Variants in FAM20C observed in about 807,000 individuals in gnomAD.
FAM20C encodes the protein FAM20C golgi associated secretory pathway kinase.
Under a neutral mutation model 51.5 loss-of-function variants are expected in FAM20C, and 40 were observed. The ratio of observed to expected loss-of-function variants is 0.78; its 90% CI spans 0.60 to 1.01. The LOEUF (loss-of-function observed/expected upper bound fraction) is 1.01. Ranked by LOEUF, FAM20C falls within the 50% of genes least tolerant of loss-of-function variation. The pLI, the probability that FAM20C is intolerant of heterozygous loss-of-function variation, is 0.00. For synonymous variants in FAM20C, 406 were observed against 380.6 expected (o/e 1.07, Z -0.78); for missense variants, 861 against 844.7 (o/e 1.02, Z -0.24).
At chr7:258,145 G>A (rs1433715702) in intron 8 of FAM20C, among the ~76,000 whole-genome samples, 60 of 119,942 alleles carry the variant, frequency 5.0e-4, no homozygotes, top group African/African-American at 1.5e-3. Context: ...CCACTGACTG[G>A]GGTGCTGGAG....
In FAM20C at chr7:192,813, C is replaced by T. The variant is rs1312543837; in HGVS notation, c.-387C>T. Among the ~76,000 whole-genome samples the T allele has an allele frequency of 6.8e-6, 1 of 148,078 alleles. No individual in the cohort carries two copies. The highest frequency in any genetic ancestry group is 1.5e-5 in the Non-Finnish European group (1 of 66,382). ...GGGACGCCTGCGGCCGCCGCCACCG[C>T]CCAGGCCCGTCGCGCCCCGGCCGGG... is the stretch of plus-strand genomic sequence containing the variant. On this transcript the variant is annotated 5_prime_UTR_variant, in exon 1 of 10. Transcript: ENST00000313766.
At position 258,616 on chromosome 7, in the gene FAM20C, C is replaced by T. The variant is rs768250558; in HGVS notation, c.1446-30C>T. On this transcript the variant is annotated intron_variant, in intron 8 of 9. Transcript: ENST00000313766. ...GCCTGTTAGGAACCTTGTACAGGGG[C>T]CCTTGACAATTCTGCTTTTCTTCTG... is the stretch of plus-strand genomic sequence containing the variant. 3.3e-6 allele frequency: 5 copies of T among 1,535,696 alleles called. No individual in the cohort carries two copies. The East Asian group carries it at 7.3e-5, about 23-fold the overall frequency.
At chr7:230,790 TC>T (rs1562385868) in intron 3 of FAM20C, among the ~76,000 whole-genome samples, 1 of 42,590 alleles carries the variant, frequency 2.3e-5, no homozygotes, top group African/African-American at 3.9e-5. Context: ...TGTTTACTGC[TC>T]TCAATAATAT....
rs139000934 is a variant in FAM20C, at chr7:231,303, C to T, written c.864-15112C>T. Among the ~76,000 whole-genome samples, 484 of 152,258 alleles carry T rather than the reference C, an allele frequency of 3.2e-3. 1 individual carries two copies. The highest frequency in any genetic ancestry group is 0.011 in the African/African-American group (455 of 41,522). On this transcript the variant is annotated intron_variant, in intron 3 of 9. Transcript: ENST00000313766. ...AGCCCGGGGTGGCCGGGGCGGGAGA[C>T]GTCGACTGACACTTTGGTGGTGGTG...
intron 3 of FAM20C, among the ~76,000 whole-genome samples, chr7:215,245 C>A (rs1786908339): frequency 8.1e-6 from 1 of 124,150 alleles, no homozygotes; most frequent in Admixed American, 8.6e-5. Flanking sequence ...GGGAGCAGGG[C>A]CCCTGGTGTA....
chr7:195,950 C>T (rs371201342), intron 2 of FAM20C, among the ~76,000 whole-genome samples: 62 of 152,318 alleles, frequency 4.1e-4, no homozygotes, highest in African/African-American at 8.7e-4. Flanking sequence ...GCACGATGAG[C>T]GGGGAGACGC....
At chr7:207,578 G>A (rs929231222) in intron 2 of FAM20C, among the ~76,000 whole-genome samples, 8 of 152,210 alleles carry the variant, frequency 5.3e-5, no homozygotes, top group Middle Eastern at 3.2e-3. Flanking sequence ...CCTTTGCACC[G>A]GAGCAGTCGC....
At chr7:205,530 G>A (rs1330601455) in intron 2 of FAM20C, among the ~76,000 whole-genome samples, 4 of 152,178 alleles carry the variant, frequency 2.6e-5, no homozygotes, top group East Asian at 1.9e-4. Flanking sequence ...ATGAGCCGCC[G>A]CACTCGGGCA....
At chr7:243,479 G>A (rs1459331479) in intron 3 of FAM20C, among the ~76,000 whole-genome samples, 1 of 5,184 alleles carries the variant, frequency 1.9e-4, no homozygotes. Context: ...TGTGCCACCC[G>A]GGAGACCTGT....
chr7:259,482 GTT>G (rs1491518278), intron 9 of FAM20C, among the ~76,000 whole-genome samples: 13 of 36,424 alleles, frequency 3.6e-4, no homozygotes, highest in African/African-American at 2.2e-3. Flanking sequence ...CGGTCTGCCT[GTT>G]TCTCTTTATC....
rs539267156 is a variant in FAM20C at position 208,343 on chromosome 7, TGTGTGTACTGTAGGGTG to T, written c.785-554_785-538del. 4.2e-3 allele frequency among the ~76,000 whole-genome samples: 580 copies of T among 137,908 alleles called. 10 individuals are homozygous for T. The highest frequency in any genetic ancestry group is 0.019 in the African/African-American group (562 of 29,696). The allele number at this position is 137,908 out of a possible 152,430, so 90.5% of individuals were successfully genotyped here. The stretch of plus-strand genomic sequence containing the variant: ...TGTCTGTGGGTGTGTAGGTGTGTGT[TGTGTGTACTGTAGGGTG>T]TGGTGTGTGTAGGTGTGTATGGGTA... On this transcript the variant is annotated intron_variant, in intron 2 of 9. Transcript: ENST00000313766.
intron 1 of FAM20C, among the ~76,000 whole-genome samples, chr7:194,526 C>T (rs1185759496): frequency 1.3e-5 from 2 of 152,024 alleles, no homozygotes; most frequent in Non-Finnish European, 2.9e-5. Flanking sequence ...GAAGGTTACC[C>T]CAGCAGCAGA....
At chr7:232,017 G>A (rs936294949) in intron 3 of FAM20C, among the ~76,000 whole-genome samples, 5 of 152,200 alleles carry the variant, frequency 3.3e-5, no homozygotes, top group Admixed American at 6.5e-5. Flanking sequence ...CATCCGTTCC[G>A]TCGGCCTCGT....
chr7:228,871 G>T lies in FAM20C; in HGVS notation c.864-17544G>T, dbSNP rs561347086. The T allele has an allele frequency of 2.7e-5, 12 of 452,052 alleles. No individual in the cohort carries two copies. In the East Asian group the frequency reaches 8.4e-4, roughly 32 times the overall value. The allele number at this position is 452,052 out of a possible 1,614,324, so 28.0% of individuals were successfully genotyped here. A position where few individuals can be genotyped will look rare whatever the true frequency, so the allele number is the denominator to read the frequency against. ...CTGTAACAACTGCATGCTGGCTGGA[G>T]GGTCCCACGCTGGGGATTCCTCCTC... is the stretch of plus-strand genomic sequence containing the variant. On this transcript the variant is annotated intron_variant, in intron 3 of 9. Coordinates refer to ENST00000313766, the MANE Select transcript of FAM20C (RefSeq NM_020223.4).
intron 2 of FAM20C, among the ~76,000 whole-genome samples, chr7:203,381 T>C (rs1461486157): frequency 6.6e-6 from 1 of 152,222 alleles, no homozygotes; most frequent in Admixed American, 6.5e-5. Context: ...TGCACCTTTT[T>C]TTCAAGGCCT....
chr7:193,895 C>T, intron 1 of FAM20C, 91 bp downstream of exon 1: 1 of 1,434,528 alleles, frequency 7.0e-7, no homozygotes, highest in Non-Finnish European at 9.2e-7. Context: ...AGGGCCGCCC[C>T]CCATGGAAGA....
In FAM20C at chr7:252,133, T is replaced by G. The variant is rs142153575; in HGVS notation, c.1072+3703T>G. ...TTTGCATGTGTCTCCCAACCACAGA[T>G]GCCAGGTGACCTCAGAGGCCCTGCC... On this transcript the variant is annotated intron_variant, in intron 5 of 9. Coordinates refer to ENST00000313766, the MANE Select transcript of FAM20C (RefSeq NM_020223.4). 3.9e-3 allele frequency among the ~76,000 whole-genome samples: 587 copies of G among 152,348 alleles called. 3 individuals carry two copies. The Middle Eastern group carries it at 0.045, about 12-fold the overall frequency.
At position 246,460 on chromosome 7, in the gene FAM20C, T is replaced by C; in HGVS notation, c.909T>C (p.Ser303=). 2 of 1,536,966 alleles carry C rather than the reference T, an allele frequency of 1.3e-6. No homozygotes were observed. Among genetic ancestry groups the C allele is most frequent in the Non-Finnish European group, 1.7e-6 (2 of 1,146,800 alleles). ...QETPPDFFYF[S]DYERHNAEIA... is the part of the protein sequence containing the mutation. ...CACCCCCTGACTTTTTTTATTTCTC[T>C]GACTACGAGAGGCACAATGCGGAGA... Residue 303 remains serine, a synonymous_variant, in exon 4 of 10, where the codon TCT becomes TCC. Coordinates refer to ENST00000313766, the MANE Select transcript of FAM20C (RefSeq NM_020223.4).
At chr7:257,728 G>GGGGTGCTGGAGATGGGCA (rs1788639366) in intron 8 of FAM20C, among the ~76,000 whole-genome samples, 4 of 102,600 alleles carry the variant, frequency 3.9e-5, no homozygotes, top group Non-Finnish European at 6.3e-5. Flanking sequence ...GGGGACAGGC[G>GGGGTGCTGGAGATGGGCA]GGGTGGACCC....
Sources: allele counts gnomAD v4.1 joint callset (sites outside exome capture counted in the v4.1 genomes callset), GRCh38; gene constraint gnomAD v4.1.1; transcripts MANE v1.5; gene names NCBI Gene and HGNC (gene_info 2026-07-23, HGNC 2026-07-21).